PRKN: variants seen among roughly 807,000 people sequenced by gnomAD.
PRKN encodes the protein parkin RBR E3 ubiquitin protein ligase.
Under a neutral mutation model 59.5 loss-of-function variants are expected in PRKN, and 56 were observed. That is an observed-to-expected ratio of 0.94 (90% CI 0.76 to 1.18). The LOEUF (loss-of-function observed/expected upper bound fraction) is 1.18, where lower values mean the gene tolerates loss of function less well. Among genes scored for constraint, PRKN ranks in the 50% most tolerant of loss-of-function variants. The pLI is 0.00. For synonymous variants in PRKN, 250 were observed against 222.1 expected (o/e 1.13, Z -1.12); for missense variants, 657 against 596.4 (o/e 1.10, Z -1.06).
intron 1 of PRKN, among the ~76,000 whole-genome samples, chr6:162,526,522 T>C (rs1778291082): frequency 6.6e-6 from 1 of 151,448 alleles, no homozygotes; most frequent in African/African-American, 2.4e-5. Context: ...TGGTGGCGCA[T>C]GCCTGCAGTC....
chr6:161,374,477 G>GGTGTGTGGT (rs1316945404), intron 10 of PRKN, among the ~76,000 whole-genome samples: 1 of 135,520 alleles, frequency 7.4e-6, no homozygotes, highest in African/African-American at 2.8e-5. Context: ...GTGTGTGATG[G>GGTGTGTGGT]GTGTGTGGTG....
At chr6:161,805,983 G>A (rs1183044028) in intron 6 of PRKN, among the ~76,000 whole-genome samples, 1 of 152,144 alleles carries the variant, frequency 6.6e-6, no homozygotes, top group Non-Finnish European at 1.5e-5. Flanking sequence ...TCCTCATTAG[G>A]GTCGACGAGT....
rs1787115677 is a variant in PRKN at position 162,390,399 on chromosome 6, A to ACACAC, written c.171+52906_171+52910dup. 1.5e-5 allele frequency among the ~76,000 whole-genome samples: 2 copies of ACACAC among 130,380 alleles called. 1 individual carries two copies. The highest frequency in any genetic ancestry group is 3.2e-5 in the Non-Finnish European group (2 of 62,408). The allele number at this position is 130,380 out of a possible 152,430, so 85.5% of individuals were successfully genotyped here. A position where few individuals can be genotyped will look rare whatever the true frequency, so the allele number is the denominator to read the frequency against. ...GGTATATATATATATATATATATAC[A>ACACAC]CACACACACACACACACACACACAC... On this transcript the variant is annotated intron_variant, in intron 2 of 11. Coordinates refer to ENST00000366898, the MANE Select transcript of PRKN (RefSeq NM_004562.3).
At chr6:162,591,997 T>TTTTG (rs944093374) in intron 1 of PRKN, among the ~76,000 whole-genome samples, 2 of 152,082 alleles carry the variant, frequency 1.3e-5, no homozygotes, top group African/African-American at 2.4e-5. Context: ...AACCTCATTT[T>TTTTG]TTTGTTTGTT....
chr6:161,382,600 G>C (rs1461809354), intron 10 of PRKN, among the ~76,000 whole-genome samples: 1 of 152,184 alleles, frequency 6.6e-6, no homozygotes, highest in African/African-American at 2.4e-5. Context: ...TACGCGGAAG[G>C]AACTGGAACA....
intron 6 of PRKN, among the ~76,000 whole-genome samples, chr6:161,962,815 A>G (rs886839566): frequency 1.2e-4 from 18 of 151,454 alleles, no homozygotes; most frequent in African/African-American, 3.9e-4. Context: ...GATTACAGGC[A>G]TGAGCCACCT....
chr6:162,530,126 C>G (rs533382913), intron 1 of PRKN, among the ~76,000 whole-genome samples: 2 of 139,622 alleles, frequency 1.4e-5, no homozygotes, highest in African/African-American at 2.6e-5. Flanking sequence ...GCGAAACTAA[C>G]TCAGTCTCAA....
intron 9 of PRKN, among the ~76,000 whole-genome samples, chr6:161,472,942 C>A (rs926274748): frequency 2.0e-5 from 3 of 151,988 alleles, no homozygotes; most frequent in Admixed American, 6.6e-5. Context: ...CAAATGAAAA[C>A]CATGAGATAG....
intron 1 of PRKN, among the ~76,000 whole-genome samples, chr6:162,564,858 G>C (rs1779993816): frequency 2.2e-5 from 3 of 138,394 alleles, no homozygotes; most frequent in African/African-American, 8.1e-5. Flanking sequence ...GCTAAAAGGA[G>C]TACTTCAATC....
At chr6:161,800,167 T>C (rs1157432275) in intron 6 of PRKN, among the ~76,000 whole-genome samples, 1 of 152,108 alleles carries the variant, frequency 6.6e-6, no homozygotes, top group African/African-American at 2.4e-5. Context: ...GGGAGATGCA[T>C]GGACATGGTG....
At chr6:161,553,086 A>G (rs1253372707) in intron 8 of PRKN, among the ~76,000 whole-genome samples, 1 of 150,906 alleles carries the variant, frequency 6.6e-6, no homozygotes, top group South Asian at 2.2e-4. Flanking sequence ...TTTATCACTC[A>G]AGGTTCATTT....
At chr6:161,984,309 G>T (rs1781355111) in intron 5 of PRKN, among the ~76,000 whole-genome samples, 1 of 152,094 alleles carries the variant, frequency 6.6e-6, no homozygotes, top group African/African-American at 2.4e-5. Flanking sequence ...CCAGACTGGA[G>T]TGCAGAGGCG....
At chr6:162,724,996 G>C (rs987676361) in intron 1 of PRKN, among the ~76,000 whole-genome samples, 27 of 152,174 alleles carry the variant, frequency 1.8e-4, no homozygotes, top group African/African-American at 6.3e-4. Context: ...TCCTGCCTCT[G>C]TATCCCTGCT....
intron 4 of PRKN, among the ~76,000 whole-genome samples, chr6:162,063,533 C>T (rs568198862): frequency 6.6e-6 from 1 of 152,040 alleles, no homozygotes; most frequent in African/African-American, 2.4e-5. Context: ...ACTTTGAAAA[C>T]GGTTTTGGAA....
chr6:161,564,766 C>A (rs1397369222), intron 8 of PRKN, among the ~76,000 whole-genome samples: 1 of 152,150 alleles, frequency 6.6e-6, no homozygotes, highest in Non-Finnish European at 1.5e-5. Context: ...CTTCAGTTTG[C>A]AATTCTGGAA....
intron 7 of PRKN, among the ~76,000 whole-genome samples, chr6:161,716,389 T>C (rs756509597): frequency 1.3e-5 from 2 of 152,128 alleles, no homozygotes; most frequent in South Asian, 2.1e-4. Context: ...CCTAAATGTA[T>C]AGAAATCTGT....
rs759169788 is a variant in PRKN, at chr6:161,484,027, G to A, written c.1083+64827C>T. Among the ~76,000 whole-genome samples, 15 of 152,080 alleles carry A rather than the reference G, an allele frequency of 9.9e-5. No individual in the cohort carries two copies. The highest frequency in any genetic ancestry group is 1.9e-4 in the East Asian group (1 of 5,176). On this transcript the variant is annotated intron_variant, in intron 9 of 11. Coordinates refer to ENST00000366898, the MANE Select transcript of PRKN (RefSeq NM_004562.3). This position sits in a 1 kb window ranked among gnomAD's most constrained non-coding sequence, Gnocchi z 4.9. ...CAACACACACTGGGGCCTGCTGGGG[G>A]GTTGTGGGGAGGGAGAGCATCAGGA...
chr6:161,560,444 C>T lies in PRKN; in HGVS notation c.933+8911G>A, dbSNP rs1368342995. On this transcript the variant is annotated intron_variant, in intron 8 of 11. Transcript: ENST00000366898. This position sits in a 1 kb window ranked among gnomAD's most constrained non-coding sequence, Gnocchi z 4.9. ...GAGACCCATGCTTCACCCTCACCTC[C>T]TCACTGCTGCCCCCTGATCTCCTGG... 6.6e-6 allele frequency among the ~76,000 whole-genome samples: 1 copy of T among 152,164 alleles called. No individual in the cohort carries two copies. The highest frequency in any genetic ancestry group is 1.5e-5 in the Non-Finnish European group (1 of 68,038).
At chr6:161,637,119 A>G (rs1374561268) in intron 7 of PRKN, among the ~76,000 whole-genome samples, 1 of 152,218 alleles carries the variant, frequency 6.6e-6, no homozygotes, top group South Asian at 2.1e-4. Flanking sequence ...ATGTTTTTAT[A>G]AACCGCTAAA....
Sources: allele counts gnomAD v4.1 joint callset (sites outside exome capture counted in the v4.1 genomes callset), GRCh38; gene constraint gnomAD v4.1.1; non-coding constraint Gnocchi (gnomAD v3.1); transcripts MANE v1.5; gene names NCBI Gene and HGNC (gene_info 2026-07-23, HGNC 2026-07-21).